The following CLIP1 variants were observed in gnomAD, a reference collection of about 807,000 sequenced individuals.
CLIP1 encodes the protein CAP-Gly domain containing linker protein 1.
A neutral mutation model predicts 161.6 loss-of-function variants in CLIP1; 66 were observed. That is an observed-to-expected ratio of 0.41 (90% confidence interval 0.33 to 0.50). The LOEUF (loss-of-function observed/expected upper bound fraction) is 0.50, where lower values mean the gene tolerates loss of function less well. Among genes scored for constraint, CLIP1 ranks in the 20% least tolerant of loss-of-function variants. The pLI is 0.27. For missense variants in CLIP1, 1,376 were observed against 1,702.0 expected (o/e 0.81, Z 3.37); for synonymous variants, 598 against 626.2 (o/e 0.96, Z 0.67).
At chr12:122,352,259 G>A (rs915391714) in intron 8 of CLIP1, among the ~76,000 whole-genome samples, 7 of 152,032 alleles carry the variant, frequency 4.6e-5, no homozygotes, top group South Asian at 2.1e-4. Flanking sequence ...GTCTCACCAC[G>A]TTAGCCAGGC....
intron 1 of CLIP1, among the ~76,000 whole-genome samples, chr12:122,388,051 G>A (rs992237522): frequency 6.6e-6 from 1 of 152,110 alleles, no homozygotes; most frequent in African/African-American, 2.4e-5. Context: ...TCAAACTTGT[G>A]TTATTCAAGA....
intron 21 of CLIP1, chr12:122,280,073 G>GC (rs1344065744): frequency 6.6e-6 from 1 of 150,918 alleles, no homozygotes; most frequent in Non-Finnish European, 1.5e-5. Context: ...AAAGTTGTGT[G>GC]TTTTTTTTAT....
At chr12:122,290,265 A>C (rs2136308137) in intron 20 of CLIP1, among the ~76,000 whole-genome samples, 1 of 152,262 alleles carries the variant, frequency 6.6e-6, no homozygotes, top group East Asian at 1.9e-4. Context: ...GAAATCTGTA[A>C]ATGTTAACAT....
intron 20 of CLIP1, among the ~76,000 whole-genome samples, chr12:122,299,559 T>C (rs1392902939): frequency 7.0e-6 from 1 of 143,780 alleles, no homozygotes; most frequent in African/African-American, 2.6e-5. Flanking sequence ...AATTACTTTA[T>C]TATTGTTGTT....
intron 1 of CLIP1, among the ~76,000 whole-genome samples, chr12:122,390,279 C>CGTATATATAT (rs1292770200): frequency 1.3e-5 from 1 of 78,984 alleles, no homozygotes; most frequent in African/African-American, 3.8e-5. Flanking sequence ...TATATATATA[C>CGTATATATAT]ATATATATAT....
At chr12:122,335,570 G>A (rs181484403) in intron 12 of CLIP1, among the ~76,000 whole-genome samples, 1 of 152,234 alleles carries the variant, frequency 6.6e-6, no homozygotes, top group East Asian at 1.9e-4. Flanking sequence ...ACTTTGGGAG[G>A]CCGAGGAGGG....
At chr12:122,320,448 A>C (rs547576801) in intron 17 of CLIP1, among the ~76,000 whole-genome samples, 1 of 151,426 alleles carries the variant, frequency 6.6e-6, no homozygotes, top group Non-Finnish European at 1.5e-5. Flanking sequence ...TAAAAAAATA[A>C]ATTAATTAAC....
chr12:122,415,233 G>A (rs1299512485), intron 1 of CLIP1, among the ~76,000 whole-genome samples: 1 of 149,694 alleles, frequency 6.7e-6, no homozygotes, highest in Non-Finnish European at 1.5e-5. Flanking sequence ...TGTAATCCCA[G>A]CACTTTGGGA....
At chr12:122,331,597 T>C (rs776899271) in intron 15 of CLIP1, among the ~76,000 whole-genome samples, 3 of 152,110 alleles carry the variant, frequency 2.0e-5, no homozygotes, top group Non-Finnish European at 4.4e-5. Context: ...CTCTTTTTCT[T>C]TTAAATGGGA....
chr12:122,415,969 G>T (rs1956742279), intron 1 of CLIP1, among the ~76,000 whole-genome samples: 1 of 152,184 alleles, frequency 6.6e-6, no homozygotes, highest in South Asian at 2.1e-4. Context: ...GCCTGGCACG[G>T]TGGCTCATGC....
chr12:122,279,255 T>A lies in CLIP1; in HGVS notation c.3648-110A>T, dbSNP rs1164124168. The A allele has an allele frequency of 1.0e-5, 7 of 682,938 alleles. No homozygotes were observed. Among genetic ancestry groups the A allele is most frequent in the East Asian group, 2.9e-5 (1 of 34,892 alleles). 42.3% of individuals were successfully genotyped at this position (682,938 alleles called of 1,614,324 possible). The stretch of plus-strand genomic sequence containing the variant: ...ATGTTAGTTAATGTAAAAAAAAAAA[T>A]ATAACAGGGAAGTTTTATAGGGAGT... On this transcript the variant is annotated intron_variant, in intron 21 of 25. Transcript: ENST00000620786. The surrounding 1 kb of genome is among the most constrained non-coding windows in gnomAD (Gnocchi z 4.5).
At chr12:122,327,841 G>A in intron 17 of CLIP1, 106 bp downstream of exon 17, 1 of 964,988 alleles carries the variant, frequency 1.0e-6, no homozygotes, top group Non-Finnish European at 1.6e-6. Context: ...GTCTGTAGAG[G>A]CCACCTTAAC....
At chr12:122,318,772 CG>C (rs1951367183) in intron 18 of CLIP1, among the ~76,000 whole-genome samples, 1 of 152,094 alleles carries the variant, frequency 6.6e-6, no homozygotes, top group Non-Finnish European at 1.5e-5. Flanking sequence ...AATATCTTGA[CG>C]CCACATATTT....
intron 1 of CLIP1, among the ~76,000 whole-genome samples, chr12:122,386,400 C>T (rs1163239248): frequency 6.6e-6 from 1 of 152,096 alleles, no homozygotes. Flanking sequence ...ATGAAGAAAA[C>T]GTCTATTGAC....
In CLIP1 at chr12:122,328,140, T is replaced by C. The variant is rs574120310; in HGVS notation, c.3056A>G (p.His1019Arg). ...SDLEKKMETS[H>R]NQCQELKARY... is the part of the protein sequence containing the mutation. ...GGCTTTCAGCTCCTGACACTGGTTG[T>C]GGCTTGTTTCCATTTTCTTTTCCTG... The change falls in exon 17 of 26, where the codon CAC becomes CGC. Residue 1019 changes from histidine (H) to arginine (R), a missense_variant. Transcript: ENST00000620786. 8.7e-6 allele frequency: 14 copies of C among 1,614,166 alleles called. No homozygotes were observed. The East Asian group carries it at 2.0e-4, about 23-fold the overall frequency.
At chr12:122,411,447 TGCTCACA>T (rs1956530034) in intron 1 of CLIP1, among the ~76,000 whole-genome samples, 1 of 152,094 alleles carries the variant, frequency 6.6e-6, no homozygotes, top group South Asian at 2.1e-4. Flanking sequence ...TATACATGAA[TGCTCACA>T]GCAGCAGTAT....
chr12:122,386,069 TGAGGTCAGGAGTTCGA>T (rs1273377195), intron 1 of CLIP1, among the ~76,000 whole-genome samples: 3 of 152,164 alleles, frequency 2.0e-5, no homozygotes, highest in Non-Finnish European at 4.4e-5. Flanking sequence ...GCGGTTCACC[TGAGGTCAGGAGTTCGA>T]GACCAGCCTG....
chr12:122,280,420 T>A (rs1387153741), intron 21 of CLIP1: 1 of 152,168 alleles, frequency 6.6e-6, no homozygotes, highest in Non-Finnish European at 1.5e-5. Context: ...GCCAAGGTCA[T>A]TAAATACAAG....
At position 122,375,556 on chromosome 12, in the gene CLIP1, A is replaced by T. The variant is rs576276648; in HGVS notation, c.657+1833T>A. Among the ~76,000 whole-genome samples, 12 of 152,166 alleles carry T rather than the reference A, an allele frequency of 7.9e-5. 1 individual carries two copies. The South Asian group carries it at 2.5e-3, about 32-fold the overall frequency. On this transcript the variant is annotated intron_variant, in intron 3 of 25. Transcript: ENST00000620786. ...GGTCTTGAACTCCTGACCTTAGGTG[A>T]TATGCCTGCCTCGGCCTCCAAAACT...
Sources: allele counts gnomAD v4.1 joint callset (sites outside exome capture counted in the v4.1 genomes callset), GRCh38; gene constraint gnomAD v4.1.1; non-coding constraint Gnocchi (gnomAD v3.1); transcripts MANE v1.5; gene names NCBI Gene and HGNC (gene_info 2026-07-23, HGNC 2026-07-21).